The following PARP1 variants were observed in gnomAD, a reference collection of about 807,000 sequenced individuals.
PARP1 encodes the protein poly [ADP-ribose] polymerase 1.
PARP1 carries 44 observed loss-of-function variants against 118.7 expected under a neutral mutation model. That is an observed-to-expected ratio of 0.37 (90% CI 0.29 to 0.48). The LOEUF (loss-of-function observed/expected upper bound fraction) is 0.48. Among genes scored for constraint, PARP1 ranks in the 20% least tolerant of loss-of-function variants. The pLI is 0.99. For missense variants in PARP1, 1,100 were observed against 1,272.4 expected, an observed-to-expected ratio of 0.86 and a Z score of 2.06; for synonymous variants, 492 against 483.2, an observed-to-expected ratio of 1.02 and a Z score of -0.24.
At chr1:226,394,156 C>G (rs1440500989) in intron 2 of PARP1, among the ~76,000 whole-genome samples, 2 of 152,146 alleles carry the variant, frequency 1.3e-5, no homozygotes, top group Non-Finnish European at 2.9e-5. Flanking sequence ...CAAGACCAGC[C>G]TGGGCAACAT....
In PARP1 at chr1:226,361,453, C is replaced by T. The variant is rs527512520; in HGVS notation, c.*7G>A. 1 of 1,599,812 alleles carries T rather than the reference C, an allele frequency of 6.3e-7. No individual in the cohort carries two copies. The highest frequency in any genetic ancestry group is 1.1e-5 in the South Asian group (1 of 90,786). ...GCCACCGGGTGTGACTCGGCTACCT[C>T]TCCCAATTACCACAGGGAGGTCTTA... On this transcript the variant is annotated 3_prime_UTR_variant, in exon 23 of 23. Transcript: ENST00000366794.
Position 226,390,416 on chromosome 1 carries a change from C to T in PARP1, c.611G>A (p.Ser204Asn), listed in dbSNP as rs1156943360. 2.5e-6 allele frequency: 4 copies of T among 1,613,614 alleles called. No homozygotes were observed. The Admixed American group carries it at 6.7e-5, about 27-fold the overall frequency. Residue 204 changes from serine (S) to asparagine (N), a missense_variant, in exon 4 of 23, where the codon AGT (serine) becomes AAT (asparagine). Physicochemically the swap from Ser to Asn is conservative, Grantham distance 46. Coordinates refer to ENST00000366794, the MANE Select transcript of PARP1 (RefSeq NM_001618.4). ...ALKKQLPGVK[S>N]EGKRKGDEVD... is the part of the protein sequence containing the mutation. Reference sequence around the variant, plus strand: ...CCCGCAGTGCTCCACCCACCCTTCACTCTTGACTCCTGGGAGCTGCTTCTT... The same window carrying T: ...CCCGCAGTGCTCCACCCACCCTTCATTCTTGACTCCTGGGAGCTGCTTCTT...
At chr1:226,396,282 G>A (rs1261374107) in intron 2 of PARP1, among the ~76,000 whole-genome samples, 40 of 151,920 alleles carry the variant, frequency 2.6e-4, no homozygotes, top group Admixed American at 2.4e-3. Flanking sequence ...GGAGACAGAG[G>A]ATGCAGTGAG....
chr1:226,371,367 C>A (rs984491029), intron 14 of PARP1, among the ~76,000 whole-genome samples: 1 of 152,174 alleles, frequency 6.6e-6, no homozygotes, highest in African/African-American at 2.4e-5. Flanking sequence ...GCACTTCCTG[C>A]AGTGCTTGGA....
chr1:226,379,944 G>A lies in PARP1; in HGVS notation c.1521C>T (p.Ser507=), dbSNP rs769703448. The A allele has an allele frequency of 1.2e-6, 2 of 1,614,022 alleles. No individual in the cohort carries two copies. The highest frequency in any genetic ancestry group is 1.1e-5 in the South Asian group (1 of 91,072). Residue 507 remains serine (S), a synonymous_variant, in exon 10 of 23, where the codon AGC becomes AGT. Coordinates refer to ENST00000366794, the MANE Select transcript of PARP1 (RefSeq NM_001618.4). ...CACCTTCCTCCTTGACCTGGCCCTT[G>A]CTTTTTTTGGAGAGCGCAGCCCCTG... is the stretch of plus-strand genomic sequence containing the variant. ...GKSGAALSKK[S]KGQVKEEGIN... is the part of the protein sequence containing the mutation.
At chr1:226,372,592 T>C (rs1025624036) in intron 14 of PARP1, among the ~76,000 whole-genome samples, 9 of 152,160 alleles carry the variant, frequency 5.9e-5, no homozygotes, top group African/African-American at 1.9e-4. Context: ...GGAGAATCGC[T>C]TGAACCCAGG....
intron 13 of PARP1, among the ~76,000 whole-genome samples, chr1:226,375,169 G>A (rs1558235987): frequency 2.0e-5 from 3 of 152,222 alleles, no homozygotes; most frequent in Non-Finnish European, 4.4e-5. Context: ...TGCGTTGTTA[G>A]TGTTCATGGC....
At position 226,392,973 on chromosome 1, in the gene PARP1, TGGA is replaced by T. The variant is rs1490133810; in HGVS notation, c.287-662_287-660del. On this transcript the variant is annotated intron_variant, in intron 2 of 22. Coordinates refer to ENST00000366794, the MANE Select transcript of PARP1 (RefSeq NM_001618.4). The stretch of plus-strand genomic sequence containing the variant: ...CCATCACTTCTATTCCACATGGTAT[TGGA>T]GGTTCTAGTAAGTGCATTAAGGAAA... The T allele has an allele frequency of 3.8e-6, 6 of 1,563,048 alleles. No homozygotes were observed. In the African/African-American group the frequency reaches 7.0e-5, roughly 18 times the overall value.
At chr1:226,384,769 A>G (rs1664684468) in intron 7 of PARP1, among the ~76,000 whole-genome samples, 1 of 152,226 alleles carries the variant, frequency 6.6e-6, no homozygotes, top group Non-Finnish European at 1.5e-5. Flanking sequence ...AATGGAGTTC[A>G]GTTGTAGGTG....
chr1:226,368,448 G>T, intron 15 of PARP1, 127 bp from the exon 16 acceptor site: 2 of 1,158,800 alleles, frequency 1.7e-6, no homozygotes, highest in Non-Finnish European at 1.3e-6. Context: ...GCACATGCCA[G>T]GACACATGGG....
chr1:226,391,228 C>T (rs1349923637), intron 3 of PARP1, among the ~76,000 whole-genome samples: 2 of 152,066 alleles, frequency 1.3e-5, no homozygotes, highest in Admixed American at 6.5e-5. Flanking sequence ...ACCACCCCAC[C>T]GTGCCCAGCC....
At chr1:226,375,313 C>G (rs1274330017) in intron 13 of PARP1, among the ~76,000 whole-genome samples, 1 of 152,220 alleles carries the variant, frequency 6.6e-6, no homozygotes, top group Non-Finnish European at 1.5e-5. Flanking sequence ...TTAAGTGCAT[C>G]TACCTTATGA....
At chr1:226,381,332 G>A (rs556476768) in intron 8 of PARP1, 124 bp from the exon 9 acceptor site, 336 of 1,099,458 alleles carry the variant, frequency 3.1e-4, no homozygotes, top group Non-Finnish European at 4.2e-4. Context: ...AAATACACTC[G>A]CGAGAAAACA....
chr1:226,365,841 T>G, intron 18 of PARP1, 113 bp downstream of exon 18: 1 of 731,586 alleles, frequency 1.4e-6, no homozygotes, highest in Non-Finnish European at 2.5e-6. Flanking sequence ...GTCACTTCTT[T>G]GGGTTATTTA....
chr1:226,367,352 GA>G (rs1414044528), intron 17 of PARP1, 127 bp downstream of exon 17: 22 of 1,158,544 alleles, frequency 1.9e-5, no homozygotes, highest in Non-Finnish European at 2.7e-5. Flanking sequence ...TTAGAAAAGT[GA>G]ATTATTGGGC....
chr1:226,384,293 G>A (rs1233936175), intron 7 of PARP1, among the ~76,000 whole-genome samples: 1 of 152,214 alleles, frequency 6.6e-6, no homozygotes, highest in Non-Finnish European at 1.5e-5. Flanking sequence ...GGAAGAAAAG[G>A]GTGGCAGAAA....
chr1:226,379,276 T>C lies in PARP1; in HGVS notation c.1613-2A>G, dbSNP rs112238429. On this transcript the variant is annotated splice_acceptor_variant, in intron 11 of 22. Transcript: ENST00000366794. LOFTEE classifies it high-confidence loss of function. ...GGACATGCGCAGAGTGTTCCAGTCC[T>C]GTCCCAGAGGAAAAGCACCTACAGT... 6.2e-7 allele frequency: 1 copy of C among 1,614,234 alleles called. No individual in the cohort carries two copies. Among genetic ancestry groups the C allele is most frequent in the Non-Finnish European group, 8.5e-7 (1 of 1,180,032 alleles).
intron 22 of PARP1, 21 bp from the exon 23 acceptor site, chr1:226,361,562 G>C (rs770858488): frequency 1.1e-5 from 17 of 1,534,904 alleles, no homozygotes; most frequent in Non-Finnish European, 1.5e-5. Context: ...GCTTGTTAAG[G>C]AGCCAACAGC....
intron 3 of PARP1, 39 bp from the exon 4 acceptor site, chr1:226,390,663 A>C (rs1664806997): frequency 2.1e-5 from 33 of 1,580,894 alleles, no homozygotes; most frequent in Non-Finnish European, 2.9e-5. Context: ...GGGAGCGACA[A>C]GCAAGGATAG....
Sources: gnomAD v4.1 joint callset for allele counts (sites outside exome capture counted in the v4.1 genomes callset) on GRCh38, gnomAD v4.1.1 for gene constraint, MANE v1.5 for transcripts, NCBI Gene and HGNC (gene_info 2026-07-23, HGNC 2026-07-21) for gene names.